VPS13B: variants seen among roughly 807,000 people sequenced by gnomAD.
VPS13B encodes the protein vacuolar protein sorting 13 homolog B.
In VPS13B, 285 loss-of-function variants were observed where a neutral mutation model predicts 426.4. The ratio of observed to expected loss-of-function variants is 0.67; its 90% confidence interval spans 0.61 to 0.74. The LOEUF (loss-of-function observed/expected upper bound fraction) is 0.74, where lower values mean the gene tolerates loss of function less well. VPS13B is among the 30% of genes least tolerant of loss of function. The probability of loss-of-function intolerance (pLI) is 0.00; values close to 1 mark genes in which losing one functional copy is unlikely to be tolerated. For missense variants in VPS13B, 4,537 were observed against 4,782.6 expected (o/e 0.95, Z 1.51); for synonymous variants, 1,676 against 1,676.4 (o/e 1.00, Z 0.01).
In VPS13B at chr8:99,835,545, CAA is replaced by C; in HGVS notation, c.9751_9752del (p.Lys3251ValfsTer2). On this transcript the variant is annotated frameshift_variant, in exon 54 of 62. Transcript: ENST00000357162. LOFTEE classifies it high-confidence loss of function. ...GCCTTTTTTAAAATTTCAGATATTC[CAA>C]AGTTTGAGGTTTATTGCAAAAAAAT... 2 of 1,613,970 alleles carry C rather than the reference CAA, an allele frequency of 1.2e-6. No individual in the cohort carries two copies. Among genetic ancestry groups the C allele is most frequent in the Non-Finnish European group, 1.7e-6 (2 of 1,179,972 alleles).
Position 99,853,448 on chromosome 8 carries a change from T to C in VPS13B, c.10062-3T>C, listed in dbSNP as rs373297154. The C allele has an allele frequency of 9.9e-6, 16 of 1,614,042 alleles. No homozygotes were observed. Among genetic ancestry groups the C allele is most frequent in the Non-Finnish European group, 1.4e-5 (16 of 1,180,028 alleles). On this transcript the variant is annotated splice_polypyrimidine_tract_variant and splice_region_variant and intron_variant, in intron 55 of 61. Transcript: ENST00000357162. ...CTAATGTTCTTGTCCCTTTCTCCTC[T>C]AGAGCGCCAGAGAAGATTGTTACAT...
At chr8:99,341,684 G>T in intron 19 of VPS13B, 2 of 350,676 alleles carry the variant, frequency 5.7e-6, no homozygotes, top group South Asian at 3.0e-5. Context: ...CACAGCTTCC[G>T]TTCCAACTAT....
At chr8:99,372,423 G>A (rs1252187117) in intron 19 of VPS13B, among the ~76,000 whole-genome samples, 1 of 152,096 alleles carries the variant, frequency 6.6e-6, no homozygotes, top group African/African-American at 2.4e-5. Context: ...TCTGACAAAG[G>A]TCTAATATTC....
chr8:99,133,344 C>T (rs969127009), intron 8 of VPS13B, among the ~76,000 whole-genome samples: 1 of 152,220 alleles, frequency 6.6e-6, no homozygotes, highest in African/African-American at 2.4e-5. Context: ...GGGCTTTACT[C>T]TGGATTCAGC....
At chr8:99,324,697 A>G (rs1211987796) in intron 19 of VPS13B, among the ~76,000 whole-genome samples, 1 of 152,212 alleles carries the variant, frequency 6.6e-6, no homozygotes, top group Non-Finnish European at 1.5e-5. Context: ...TGTTTTCAAC[A>G]TTTTTGTTGA....
At chr8:99,152,259 CTTTGACTTGTGTTCT>C (rs1049053714) in intron 14 of VPS13B, among the ~76,000 whole-genome samples, 6 of 152,072 alleles carry the variant, frequency 3.9e-5, no homozygotes, top group Non-Finnish European at 8.8e-5. Flanking sequence ...AGATTTATTT[CTTTGACTTGTGTTCT>C]TTAGAAGTAT....
At chr8:99,026,376 C>T (rs1842135651) in intron 2 of VPS13B, among the ~76,000 whole-genome samples, 3 of 152,064 alleles carry the variant, frequency 2.0e-5, no homozygotes. Context: ...ATGACTTGGA[C>T]TTTTAAAATT....
intron 27 of VPS13B, among the ~76,000 whole-genome samples, chr8:99,503,721 C>A (rs1296790490): frequency 6.6e-6 from 1 of 152,196 alleles, no homozygotes; most frequent in Non-Finnish European, 1.5e-5. Context: ...TCAGCCCCAT[C>A]TTTAGGCTCC....
At chr8:99,088,858 T>G (rs1204678845) in intron 3 of VPS13B, among the ~76,000 whole-genome samples, 1 of 152,214 alleles carries the variant, frequency 6.6e-6, no homozygotes, top group African/African-American at 2.4e-5. Flanking sequence ...GGCTATCCAT[T>G]ATCATTTCAG....
intron 33 of VPS13B, among the ~76,000 whole-genome samples, chr8:99,614,402 C>T (rs1478288696): frequency 6.6e-6 from 1 of 152,006 alleles, no homozygotes; most frequent in African/African-American, 2.4e-5. Context: ...CTCAGACTCC[C>T]AAGTAGCTGG....
At chr8:99,526,353 G>A (rs975805516) in intron 30 of VPS13B, among the ~76,000 whole-genome samples, 8 of 152,154 alleles carry the variant, frequency 5.3e-5, no homozygotes, top group African/African-American at 1.9e-4. Flanking sequence ...GAGGGTTTGA[G>A]CAGAGAAGTG....
rs145505852 is a variant in VPS13B at position 99,362,897 on chromosome 8, A to G, written c.2825-21311A>G. On this transcript the variant is annotated intron_variant, in intron 19 of 61. Coordinates refer to ENST00000357162, the MANE Select transcript of VPS13B (RefSeq NM_152564.5). Reference sequence around the variant, plus strand: ...CCATTTGTATGTCTTCTTTTGAGACATGTCTACTCTGGTTATTAATCCCTT... The same window carrying G: ...CCATTTGTATGTCTTCTTTTGAGACGTGTCTACTCTGGTTATTAATCCCTT... Among the ~76,000 whole-genome samples, 726 of 152,294 alleles carry G rather than the reference A, an allele frequency of 4.8e-3. 2 individuals carry two copies. Among genetic ancestry groups the G allele is most frequent in the Non-Finnish European group, 7.7e-3 (521 of 68,008 alleles).
intron 5 of VPS13B, among the ~76,000 whole-genome samples, chr8:99,108,402 A>C (rs1253316616): frequency 6.6e-6 from 1 of 152,180 alleles, no homozygotes; most frequent in African/African-American, 2.4e-5. Context: ...TGCCTAGACC[A>C]ATGTCAGGTC....
intron 2 of VPS13B, among the ~76,000 whole-genome samples, chr8:99,028,350 C>T (rs555055402): frequency 0.017 from 2,566 of 149,686 alleles, 86 homozygotes; most frequent in African/African-American, 0.06. Flanking sequence ...GGCTGACCCC[C>T]CCACCTCCCT....
chr8:99,190,267 G>A (rs1366849228), intron 16 of VPS13B, among the ~76,000 whole-genome samples: 5 of 150,452 alleles, frequency 3.3e-5, no homozygotes, highest in African/African-American at 7.3e-5. Context: ...TTGCTCGTTC[G>A]TTTACTCCTT....
chr8:99,492,873 C>T (rs1267347616), intron 25 of VPS13B, among the ~76,000 whole-genome samples: 1 of 152,162 alleles, frequency 6.6e-6, no homozygotes, highest in Non-Finnish European at 1.5e-5. Flanking sequence ...ATGGGCTGCA[C>T]CCACTCTCCA....
chr8:99,179,822 C>A (rs1002128825), intron 16 of VPS13B, among the ~76,000 whole-genome samples: 4 of 151,992 alleles, frequency 2.6e-5, no homozygotes, highest in Non-Finnish European at 5.9e-5. Flanking sequence ...GTTTCTTTAA[C>A]AATTTCAATT....
At chr8:99,597,227 G>A (rs1009008453) in intron 33 of VPS13B, among the ~76,000 whole-genome samples, 1 of 151,948 alleles carries the variant, frequency 6.6e-6, no homozygotes, top group Non-Finnish European at 1.5e-5. Flanking sequence ...GCCAATTGTT[G>A]TACTCCATCC....
intron 39 of VPS13B, among the ~76,000 whole-genome samples, chr8:99,735,763 A>G (rs890363295): frequency 3.9e-5 from 6 of 152,232 alleles, no homozygotes; most frequent in Non-Finnish European, 8.8e-5. Context: ...CAGTGTCAGG[A>G]AAGCCCAGGC....
Sources: gnomAD v4.1 joint callset for allele counts (sites outside exome capture counted in the v4.1 genomes callset) on GRCh38, gnomAD v4.1.1 for gene constraint, MANE v1.5 for transcripts, NCBI Gene and HGNC (gene_info 2026-07-23, HGNC 2026-07-21) for gene names.